Variants in GOLGA2 observed in about 807,000 individuals in gnomAD.
The protein encoded by GOLGA2 is golgin subfamily A member 2.
Under a neutral mutation model 148.8 loss-of-function variants are expected in GOLGA2, and 49 were observed. The observed-to-expected ratio is 0.33, with a 90% CI of 0.26 to 0.42. GOLGA2 has a LOEUF of 0.42. Ranked by LOEUF, GOLGA2 falls within the 10% of genes least tolerant of loss-of-function variation. The pLI is 1.00. For synonymous variants in GOLGA2, 501 were observed against 511.8 expected (o/e 0.98, Z 0.28); for missense variants, 1,178 against 1,304.6 (o/e 0.90, Z 1.49).
At chr9:128,275,314 G>A (rs956021277) in intron 1 of GOLGA2, 1 of 929,106 alleles carries the variant, frequency 1.1e-6, no homozygotes, top group Non-Finnish European at 1.5e-6. Context: ...GACTGGTCTC[G>A]CGCAACTAAT....
chr9:128,263,433 T>C (rs1830396882), intron 12 of GOLGA2, among the ~76,000 whole-genome samples: 1 of 151,898 alleles, frequency 6.6e-6, no homozygotes, highest in Non-Finnish European at 1.5e-5. Context: ...TTTGTTTTGT[T>C]TTTTCTGAGA....
chr9:128,258,833 G>A lies in GOLGA2; in HGVS notation c.2173+174C>T. On this transcript the variant is annotated intron_variant, in intron 21 of 26. Transcript: ENST00000611957. The surrounding 1 kb of genome is among the most constrained non-coding windows in gnomAD (Gnocchi z 6.6). ...AGTTCACCCATCCTTAGGTAAGCTG[G>A]TAGTGCCCTGCTCCCAGGAAGTCAC... The A allele has an allele frequency of 1.6e-6, 1 of 633,136 alleles. No homozygotes were observed. The highest frequency in any genetic ancestry group is 2.8e-6 in the Non-Finnish European group (1 of 359,976). 39.2% of individuals were successfully genotyped at this position (633,136 alleles called of 1,614,324 possible).
chr9:128,270,219 C>T (rs1253589584), intron 3 of GOLGA2, among the ~76,000 whole-genome samples: 1 of 150,364 alleles, frequency 6.7e-6, no homozygotes, highest in East Asian at 2.0e-4. Context: ...CTGCAACCTC[C>T]GCCTCCTGAG....
chr9:128,263,041 T>C lies in GOLGA2; in HGVS notation c.985A>G (p.Lys329Glu), dbSNP rs1164625262. 2.5e-6 allele frequency: 4 copies of C among 1,606,836 alleles called. No individual in the cohort carries two copies. Among genetic ancestry groups the C allele is most frequent in the Non-Finnish European group, 3.4e-6 (4 of 1,173,470 alleles). The change falls in exon 13 of 27, where the codon AAG becomes GAG. Residue 329 changes from lysine to glutamate, a missense_variant. Physicochemically the swap from Lys to Glu is moderately conservative, Grantham distance 56. This residue lies in a region of GOLGA2 where 304 missense variants were observed against 404.1 expected (regional missense o/e 0.75). Transcript: ENST00000611957. ...ERDALRLELY[K>E]NTQSNEDLKQ... ...CACCATCCCCCATCCTACGTGTTCT[T>C]GTATAACTCCAGCCTGAGGGCGTCT...
At position 128,258,221 on chromosome 9, in the gene GOLGA2, C is replaced by A; in HGVS notation, c.2290-23G>T. The A allele has an allele frequency of 6.5e-7, 1 of 1,533,070 alleles. No individual in the cohort carries two copies. Among genetic ancestry groups the A allele is most frequent in the South Asian group, 1.2e-5 (1 of 85,846 alleles). 95.0% of individuals were successfully genotyped at this position (1,533,070 alleles called of 1,614,324 possible). On this transcript the variant is annotated intron_variant, in intron 22 of 26. Transcript: ENST00000611957. This position sits in a 1 kb window ranked among gnomAD's most constrained non-coding sequence, Gnocchi z 6.6. Reference sequence around the variant, plus strand: ...CACCTGCAGGCAAGAGGGGTGCATTCTTGTAGGAGGATATATAGGATGAAC... The same window carrying A: ...CACCTGCAGGCAAGAGGGGTGCATTATTGTAGGAGGATATATAGGATGAAC...
Position 128,260,581 on chromosome 9 carries a change from G to T in GOLGA2, c.1642C>A (p.Arg548Ser). The change falls in exon 18 of 27, where the codon CGC (arginine) becomes AGC (serine). Residue 548 changes from arginine to serine, a missense_variant. Arg to Ser is a moderately radical substitution (Grantham distance 110). Coordinates refer to ENST00000611957, the MANE Select transcript of GOLGA2 (RefSeq NM_001366244.2). The surrounding 1 kb of genome is among the most constrained non-coding windows in gnomAD (Gnocchi z 4.8). The part of the protein sequence containing the change: ...AELWGEQAEA[R>S]RQILETMQND... Reference sequence around the variant, plus strand: ...TGCATGGTCTCCAGGATTTGCCTGCGCGCCTCCGCCTGCTCCCCCCAGAGC... The same window carrying T: ...TGCATGGTCTCCAGGATTTGCCTGCTCGCCTCCGCCTGCTCCCCCCAGAGC... 6.2e-7 allele frequency: 1 copy of T among 1,611,874 alleles called. No homozygotes were observed.
At chr9:128,267,032 C>T (rs1180119221) in intron 8 of GOLGA2, 162 bp downstream of exon 8, 3 of 667,620 alleles carry the variant, frequency 4.5e-6, no homozygotes, top group Admixed American at 2.5e-5. Flanking sequence ...AGCCATGCTG[C>T]ATGCTCCGTG....
Position 128,260,867 on chromosome 9 carries a change from C to T in GOLGA2, c.1421-65G>A. On this transcript the variant is annotated intron_variant, in intron 17 of 26. Coordinates refer to ENST00000611957, the MANE Select transcript of GOLGA2 (RefSeq NM_001366244.2). This position sits in a 1 kb window ranked among gnomAD's most constrained non-coding sequence, Gnocchi z 4.8. Reference sequence around the variant, plus strand: ...AAAAAAACCCTCCTCTTGGTCCATACCTCCTCTCAAGCTCCCCAAACTTGG... The same window carrying T: ...AAAAAAACCCTCCTCTTGGTCCATATCTCCTCTCAAGCTCCCCAAACTTGG... 1 of 1,143,718 alleles carries T rather than the reference C, an allele frequency of 8.7e-7. No individual in the cohort carries two copies. The highest frequency in any genetic ancestry group is 1.2e-6 in the Non-Finnish European group (1 of 810,216). 70.8% of individuals were successfully genotyped at this position (1,143,718 alleles called of 1,614,324 possible).
chr9:128,256,642 C>T lies in GOLGA2; in HGVS notation c.*425G>A. The T allele has an allele frequency of 6.5e-6, 1 of 154,240 alleles. No individual in the cohort carries two copies. The highest frequency in any genetic ancestry group is 1.4e-5 in the Non-Finnish European group (1 of 69,638). The allele number at this position is 154,240 out of a possible 1,614,324, so 9.6% of individuals were successfully genotyped here. ...TCTCCTGCCTCAGCCTCCCGAGTAG[C>T]TGGGATTACAGGCACGTGCCACCAT... On this transcript the variant is annotated 3_prime_UTR_variant, in exon 27 of 27. Transcript: ENST00000611957.
In GOLGA2 at chr9:128,261,322, T is replaced by C; in HGVS notation, c.1333-63A>G. 1 of 1,377,672 alleles carries C rather than the reference T, an allele frequency of 7.3e-7. No homozygotes were observed. The highest frequency in any genetic ancestry group is 1.8e-4 in the Middle Eastern group (1 of 5,582). 85.3% of individuals were successfully genotyped at this position (1,377,672 alleles called of 1,614,324 possible). ...GCTGGTGGCTGGACAGGCTACCATC[T>C]CCCTCTGCCCCCACCGCCACAAAGC... On this transcript the variant is annotated intron_variant, in intron 16 of 26. Transcript: ENST00000611957. This position sits in a 1 kb window ranked among gnomAD's most constrained non-coding sequence, Gnocchi z 5.7.
In GOLGA2 at chr9:128,261,030, G is replaced by A. The variant is rs926805768; in HGVS notation, c.1420+142C>T. On this transcript the variant is annotated intron_variant, in intron 17 of 26. Coordinates refer to ENST00000611957, the MANE Select transcript of GOLGA2 (RefSeq NM_001366244.2). This position sits in a 1 kb window ranked among gnomAD's most constrained non-coding sequence, Gnocchi z 5.7. ...GGGCACTGAGGCTCATGGAGATGAC[G>A]AGACTTGCCATCTCCTGGCACAGAC... 1.5e-5 allele frequency: 11 copies of A among 727,844 alleles called. No individual in the cohort carries two copies. Among genetic ancestry groups the A allele is most frequent in the East Asian group, 5.1e-5 (2 of 39,340 alleles). The allele number at this position is 727,844 out of a possible 1,614,324, so 45.1% of individuals were successfully genotyped here. A position where few individuals can be genotyped will look rare whatever the true frequency, so the allele number is the denominator to read the frequency against.
Position 128,265,817 on chromosome 9 carries a change from T to C in GOLGA2, c.797A>G (p.His266Arg). 5.0e-6 allele frequency: 8 copies of C among 1,613,916 alleles called. No homozygotes were observed. Among genetic ancestry groups the C allele is most frequent in the Non-Finnish European group, 6.8e-6 (8 of 1,179,746 alleles). ...EKAELQTALA[H>R]TQHAARQKEG... ...TTTCTGCCTGGCAGCATGCTGAGTG[T>C]GAGCCAGGGCTGTCTGTAACTCAGC... Residue 266 changes from histidine to arginine, a missense_variant, in exon 11 of 27, where the codon CAC becomes CGC. His to Arg is a conservative substitution (Grantham distance 29, BLOSUM62 0). This residue lies in a region of GOLGA2 where 304 missense variants were observed against 404.1 expected (regional missense o/e 0.75). Coordinates refer to ENST00000611957, the MANE Select transcript of GOLGA2 (RefSeq NM_001366244.2).
chr9:128,257,570 C>G lies in GOLGA2; in HGVS notation c.2718+31G>C. The G allele has an allele frequency of 6.2e-7, 1 of 1,614,114 alleles. No individual in the cohort carries two copies. ...GCTGCCATGCCCATGCCCGTGCCCA[C>G]CTCCACCCCCAGAGATGTTCCACAC... On this transcript the variant is annotated intron_variant, in intron 25 of 26. Transcript: ENST00000611957. This position sits in a 1 kb window ranked among gnomAD's most constrained non-coding sequence, Gnocchi z 8.0.
chr9:128,267,843 G>T (rs1830687302), intron 6 of GOLGA2, 91 bp downstream of exon 6: 3 of 1,054,306 alleles, frequency 2.8e-6, no homozygotes, highest in Non-Finnish European at 4.4e-6. Context: ...GCTGGTCCCA[G>T]GATCTTCCCT....
At chr9:128,272,890 C>T in intron 2 of GOLGA2, 25 bp from the exon 3 acceptor site, 1 of 1,074,562 alleles carries the variant, frequency 9.3e-7, no homozygotes, top group Non-Finnish European at 1.3e-6. Context: ...AAGGGAAAAA[C>T]AAGGGCAGGG....
At chr9:128,273,370 C>A (rs1304249474) in intron 2 of GOLGA2, among the ~76,000 whole-genome samples, 1 of 152,186 alleles carries the variant, frequency 6.6e-6, no homozygotes, top group African/African-American at 2.4e-5. Flanking sequence ...AAGCTGGTGG[C>A]AAAGATGAAC....
Position 128,271,677 on chromosome 9 carries a change from T to C in GOLGA2, c.288+1108A>G, listed in dbSNP as rs1378656781. On this transcript the variant is annotated intron_variant, in intron 3 of 26. Coordinates refer to ENST00000611957, the MANE Select transcript of GOLGA2 (RefSeq NM_001366244.2). The surrounding 1 kb of genome is among the most constrained non-coding windows in gnomAD (Gnocchi z 4.4). ...CAAGCCAGCTTCAAATGCCACCTTC[T>C]CCAGCCTGGAGTCCATTTGGAACCA... Among the ~76,000 whole-genome samples, 1 of 152,062 alleles carries C rather than the reference T, an allele frequency of 6.6e-6. No homozygotes were observed. Among genetic ancestry groups the C allele is most frequent in the Non-Finnish European group, 1.5e-5 (1 of 68,018 alleles).
Position 128,258,430 on chromosome 9 carries a change from G to A in GOLGA2, c.2289+25C>T, listed in dbSNP as rs368733848. 1.1e-4 allele frequency: 171 copies of A among 1,589,800 alleles called. 1 individual carries two copies. The highest frequency in any genetic ancestry group is 9.0e-4 in the South Asian group (81 of 90,426). ...GGGACCACAGAGGGAGGCAGCAAAGGTTGGGGAGGGGGAGTCAGCCTCACC... is the reference window on the plus strand; with the variant it reads ...GGGACCACAGAGGGAGGCAGCAAAGATTGGGGAGGGGGAGTCAGCCTCACC... On this transcript the variant is annotated intron_variant, in intron 22 of 26. Transcript: ENST00000611957. This position sits in a 1 kb window ranked among gnomAD's most constrained non-coding sequence, Gnocchi z 6.6.
intron 1 of GOLGA2, chr9:128,275,635 G>C (rs1176807680): frequency 8.5e-6 from 6 of 702,218 alleles, no homozygotes; most frequent in Non-Finnish European, 1.3e-5. Context: ...ACTTCGGGGG[G>C]CAGGAGGTGA....
Sources: gnomAD v4.1 joint callset for allele counts (sites outside exome capture counted in the v4.1 genomes callset) on GRCh38, gnomAD v4.1.1 for gene constraint, gnomAD v4.1.1 regional missense constraint, Gnocchi (gnomAD v3.1) non-coding constraint, MANE v1.5 for transcripts, NCBI Gene and HGNC (gene_info 2026-07-23, HGNC 2026-07-21) for gene names.